Variants in KIAA0825 observed in about 807,000 individuals in gnomAD.
The protein encoded by KIAA0825 is uncharacterized protein KIAA0825.
In KIAA0825, 119 loss-of-function variants were observed where a neutral mutation model predicts 147.6. The observed-to-expected ratio is 0.81, with a 90% CI of 0.69 to 0.94. KIAA0825 has a LOEUF of 0.94. Ranked by LOEUF, KIAA0825 falls within the 40% of genes least tolerant of loss-of-function variation. KIAA0825 has a pLI of 0.00. For missense variants in KIAA0825, 1,381 were observed against 1,472.7 expected, an observed-to-expected ratio of 0.94 and a Z score of 1.02; for synonymous variants, 470 against 518.1, an observed-to-expected ratio of 0.91 and a Z score of 1.26.
chr5:94,225,421 T>C (rs139534095), intron 20 of KIAA0825, among the ~76,000 whole-genome samples: 106 of 152,354 alleles, frequency 7.0e-4, no homozygotes, highest in African/African-American at 2.4e-3. Context: ...CCCCCTGTTA[T>C]GGACTAAATG....
At chr5:94,562,827 C>A (rs957162523) in intron 2 of KIAA0825, among the ~76,000 whole-genome samples, 1 of 152,026 alleles carries the variant, frequency 6.6e-6, no homozygotes, top group African/African-American at 2.4e-5. Context: ...GCTGAGGGAT[C>A]AAAATGAACA....
chr5:94,525,722 G>A (rs908186889), intron 3 of KIAA0825, among the ~76,000 whole-genome samples: 1 of 151,908 alleles, frequency 6.6e-6, no homozygotes, highest in African/African-American at 2.4e-5. Context: ...AATTGGAAAG[G>A]CTCAGCAGTT....
chr5:94,209,802 T>C (rs778196274), intron 20 of KIAA0825, among the ~76,000 whole-genome samples: 1 of 152,194 alleles, frequency 6.6e-6, no homozygotes, highest in Non-Finnish European at 1.5e-5. Context: ...ACCCTGTTGA[T>C]TAATGTCTTC....
chr5:94,187,627 G>C (rs531649292), intron 20 of KIAA0825, among the ~76,000 whole-genome samples: 1 of 151,776 alleles, frequency 6.6e-6, no homozygotes, highest in Non-Finnish European at 1.5e-5. Flanking sequence ...GGGTTTCTCC[G>C]TGTTAGCCAG....
intron 1 of KIAA0825, among the ~76,000 whole-genome samples, chr5:94,583,854 T>A (rs887778100): frequency 6.6e-6 from 1 of 152,052 alleles, no homozygotes; most frequent in Non-Finnish European, 1.5e-5. Context: ...CAATGTTTCC[T>A]GTTCTGCAGC....
chr5:94,182,593 C>T (rs1431858572), intron 20 of KIAA0825, among the ~76,000 whole-genome samples: 3 of 151,892 alleles, frequency 2.0e-5, no homozygotes, highest in African/African-American at 4.8e-5. Flanking sequence ...GTTTTCTATC[C>T]ACTCTCCATC....
chr5:94,369,150 C>A (rs1032359269), intron 20 of KIAA0825, among the ~76,000 whole-genome samples: 1 of 151,552 alleles, frequency 6.6e-6, no homozygotes, highest in African/African-American at 2.4e-5. Flanking sequence ...AGAGTGAGAC[C>A]TAGACAAATA....
intron 5 of KIAA0825, among the ~76,000 whole-genome samples, chr5:94,485,308 A>T (rs1762919331): frequency 6.6e-6 from 1 of 151,758 alleles, no homozygotes; most frequent in South Asian, 2.1e-4. Flanking sequence ...TCTACAAAAT[A>T]ACTAGTCTGT....
intron 7 of KIAA0825, among the ~76,000 whole-genome samples, chr5:94,474,202 G>A (rs1486001001): frequency 1.3e-5 from 2 of 152,104 alleles, no homozygotes; most frequent in African/African-American, 4.8e-5. Flanking sequence ...GGAGTAGAAG[G>A]GGTTGAGCTA....
intron 20 of KIAA0825, among the ~76,000 whole-genome samples, chr5:94,234,691 T>C (rs947467054): frequency 2.0e-5 from 3 of 152,060 alleles, no homozygotes; most frequent in African/African-American, 4.8e-5. Context: ...GTCATACACT[T>C]AAATGACCAG....
At chr5:94,427,952 A>T (rs1755108497) in intron 14 of KIAA0825, among the ~76,000 whole-genome samples, 1 of 152,198 alleles carries the variant, frequency 6.6e-6, no homozygotes, top group African/African-American at 2.4e-5. Flanking sequence ...CTTTGTCATT[A>T]TGTAATGCCC....
chr5:94,362,662 T>C (rs576910142), intron 20 of KIAA0825, among the ~76,000 whole-genome samples: 2 of 143,098 alleles, frequency 1.4e-5, no homozygotes, highest in East Asian at 3.9e-4. Context: ...CTATACCCAC[T>C]GATTTTTTAG....
chr5:94,402,810 T>C (rs1751556866), intron 16 of KIAA0825, among the ~76,000 whole-genome samples: 1 of 151,086 alleles, frequency 6.6e-6, no homozygotes, highest in South Asian at 2.1e-4. Context: ...AGGATGAATA[T>C]GAAAGAAAAA....
In KIAA0825 at chr5:94,152,664, A is replaced by T. The variant is rs1405878408; in HGVS notation, c.*1343T>A. On this transcript the variant is annotated 3_prime_UTR_variant, in exon 21 of 21. Coordinates refer to ENST00000682413, the MANE Select transcript of KIAA0825 (RefSeq NM_001145678.3). ...TCATCTTTACAAAAAAATTAAAAAA[A>T]ATTAACCAGGTGTGGTGGCATGCAC... Among the ~76,000 whole-genome samples, 2 of 150,014 alleles carry T rather than the reference A, an allele frequency of 1.3e-5. No homozygotes were observed. The highest frequency in any genetic ancestry group is 4.9e-5 in the African/African-American group (2 of 40,762).
At chr5:94,402,155 T>C (rs933039350) in intron 16 of KIAA0825, among the ~76,000 whole-genome samples, 1 of 152,208 alleles carries the variant, frequency 6.6e-6, no homozygotes, top group Non-Finnish European at 1.5e-5. Flanking sequence ...TGAAAAATGT[T>C]ATTTAGTAAG....
chr5:94,156,290 A>G (rs1767023377), intron 20 of KIAA0825, among the ~76,000 whole-genome samples: 1 of 152,216 alleles, frequency 6.6e-6, no homozygotes, highest in Non-Finnish European at 1.5e-5. Context: ...AATATAAAGT[A>G]CTGTCAAAAA....
At chr5:94,299,590 A>G (rs1030606670) in intron 20 of KIAA0825, among the ~76,000 whole-genome samples, 1 of 152,116 alleles carries the variant, frequency 6.6e-6, no homozygotes, top group Non-Finnish European at 1.5e-5. Context: ...ACTCAAATTC[A>G]TGACTGAAAA....
chr5:94,500,331 G>C (rs1036517458), intron 5 of KIAA0825, among the ~76,000 whole-genome samples: 2 of 152,222 alleles, frequency 1.3e-5, no homozygotes, highest in African/African-American at 2.4e-5. Flanking sequence ...TTAACATTAA[G>C]TCCAAATGAG....
chr5:94,327,938 A>T (rs961947368), intron 20 of KIAA0825, among the ~76,000 whole-genome samples: 2 of 152,106 alleles, frequency 1.3e-5, no homozygotes, highest in Non-Finnish European at 2.9e-5. Context: ...CCTGGGAGGC[A>T]GGGGTTGCAG....
Sources: allele counts gnomAD v4.1 joint callset (sites outside exome capture counted in the v4.1 genomes callset), GRCh38; gene constraint gnomAD v4.1.1; transcripts MANE v1.5; gene names NCBI Gene and HGNC (gene_info 2026-07-23, HGNC 2026-07-21).